Variants in NT5C3B observed in about 807,000 individuals in gnomAD.
The protein encoded by NT5C3B is 7-methylguanosine phosphate-specific 5'-nucleotidase.
NT5C3B carries 28 observed loss-of-function variants against 32.5 expected under a neutral mutation model. The ratio of observed to expected loss-of-function variants is 0.86; its 90% CI spans 0.64 to 1.18. The LOEUF is 1.18. Among genes scored for constraint, NT5C3B ranks in the 50% most tolerant of loss-of-function variants. NT5C3B has a pLI of 0.00. For synonymous variants in NT5C3B, 138 were observed against 118.0 expected (o/e 1.17, Z -1.10); for missense variants, 317 against 322.0 (o/e 0.98, Z 0.12).
rs1383971331 is a variant in NT5C3B at position 41,825,397 on chromosome 17, G to A, written c.*126C>T. On this transcript the variant is annotated 3_prime_UTR_variant, in exon 9 of 9. Transcript: ENST00000435506. Reference sequence around the variant, plus strand: ...GAAGGTGCTCAGGGAAAGGAGGACGGAGGGGCGCGGAAGGACCCAGCCACT... The same window carrying A: ...GAAGGTGCTCAGGGAAAGGAGGACGAAGGGGCGCGGAAGGACCCAGCCACT... 1.5e-6 allele frequency: 1 copy of A among 672,338 alleles called. No homozygotes were observed. The highest frequency in any genetic ancestry group is 2.5e-6 in the Non-Finnish European group (1 of 399,232). The allele number at this position is 672,338 out of a possible 1,614,324, so 41.6% of individuals were successfully genotyped here.
chr17:41,826,071 A>T (rs1287528166), intron 8 of NT5C3B, among the ~76,000 whole-genome samples: 4 of 151,458 alleles, frequency 2.6e-5, no homozygotes, highest in African/African-American at 9.7e-5. Flanking sequence ...AGAAAGGATC[A>T]CTTGAGCCCA....
At chr17:41,830,987 G>A in intron 5 of NT5C3B, 97 bp from the exon 6 acceptor site, 2 of 786,890 alleles carry the variant, frequency 2.5e-6, no homozygotes. Flanking sequence ...TGACAGCATT[G>A]CCGACAGAGG....
intron 4 of NT5C3B, among the ~76,000 whole-genome samples, chr17:41,833,040 G>A: frequency 6.6e-6 from 1 of 152,164 alleles, no homozygotes; most frequent in South Asian, 2.1e-4. Context: ...GAAGTCCAGG[G>A]AGCACCTGGA....
Position 41,825,323 on chromosome 17 carries a change from A to G in NT5C3B, c.*200T>C, listed in dbSNP as rs996731721. The stretch of plus-strand genomic sequence containing the variant: ...CTGTGGTCCAAGGTTCACCAGGAAC[A>G]GTGCCTGTGCCCTGCCACATGGCGG... On this transcript the variant is annotated 3_prime_UTR_variant, in exon 9 of 9. Transcript: ENST00000435506. 2.0e-5 allele frequency: 11 copies of G among 553,450 alleles called. No individual in the cohort carries two copies. The highest frequency in any genetic ancestry group is 3.2e-5 in the Non-Finnish European group (10 of 310,008). 34.3% of individuals were successfully genotyped at this position (553,450 alleles called of 1,614,324 possible).
chr17:41,826,198 C>G (rs1449845897), intron 8 of NT5C3B, among the ~76,000 whole-genome samples: 1 of 132,402 alleles, frequency 7.6e-6, no homozygotes, highest in East Asian at 2.3e-4. Flanking sequence ...TGCCTCTAAT[C>G]CATCTGGACT....
At chr17:41,831,681 C>T (rs532174373) in intron 5 of NT5C3B, among the ~76,000 whole-genome samples, 232 of 152,334 alleles carry the variant, frequency 1.5e-3, no homozygotes, top group Non-Finnish European at 2.1e-3. Flanking sequence ...AGAAGGCCCT[C>T]GCCAAATGCC....
intron 8 of NT5C3B, among the ~76,000 whole-genome samples, chr17:41,827,172 G>A (rs2047980774): frequency 6.6e-6 from 1 of 151,912 alleles, no homozygotes; most frequent in Non-Finnish European, 1.5e-5. Flanking sequence ...CGGGAGTGGT[G>A]GCGGGTGCCT....
In NT5C3B at chr17:41,832,889, C is replaced by T. The variant is rs184065487; in HGVS notation, c.229-412G>A. ...CTGTGTCTCAAATAAAAAGAAGATG[C>T]AACTTCATCTAAGAGAGTGTTACAT... is the stretch of plus-strand genomic sequence containing the variant. On this transcript the variant is annotated intron_variant, in intron 4 of 8. Coordinates refer to ENST00000435506, the MANE Select transcript of NT5C3B (RefSeq NM_052935.5). 4.3e-4 allele frequency among the ~76,000 whole-genome samples: 65 copies of T among 152,240 alleles called. 1 individual carries two copies. Among genetic ancestry groups the T allele is most frequent in the Non-Finnish European group, 7.5e-4 (51 of 68,022 alleles).
chr17:41,826,167 A>C (rs12945238), intron 8 of NT5C3B, among the ~76,000 whole-genome samples: 131,724 of 148,854 alleles, frequency 0.88, 58,541 homozygotes, highest in East Asian at 0.99. Context: ...AAAAAAAAAA[A>C]AAAAAAAAAA....
chr17:41,830,948 C>T (rs2048041560), intron 5 of NT5C3B, 58 bp from the exon 6 acceptor site: 5 of 1,117,546 alleles, frequency 4.5e-6, no homozygotes, highest in African/African-American at 1.6e-5. Flanking sequence ...AATAACTCAC[C>T]CTTTCCCTTT....
At chr17:41,826,512 C>A (rs953790383) in intron 8 of NT5C3B, among the ~76,000 whole-genome samples, 1 of 151,902 alleles carries the variant, frequency 6.6e-6, no homozygotes. Context: ...CATGAGCCAC[C>A]GCACCTGACC....
At chr17:41,835,478 C>T (rs1231236467) in intron 2 of NT5C3B, 6 of 651,730 alleles carry the variant, frequency 9.2e-6, no homozygotes, top group East Asian at 5.4e-5. Flanking sequence ...AACGCAGTCT[C>T]CTAGTGTGGG....
Position 41,836,072 on chromosome 17 carries a change from T to C in NT5C3B, c.12+110A>G. ...GGGCCGGGGTGCGCGAGGGGGCGGC[T>C]ACTGGCCTGGGTGAAGCGGCGGTGC... On this transcript the variant is annotated intron_variant, in intron 1 of 8. Coordinates refer to ENST00000435506, the MANE Select transcript of NT5C3B (RefSeq NM_052935.5). The C allele has an allele frequency of 5.0e-6, 7 of 1,388,620 alleles. No homozygotes were observed. In the South Asian group the frequency reaches 1.0e-4, roughly 21 times the overall value. The allele number at this position is 1,388,620 out of a possible 1,614,324, so 86.0% of individuals were successfully genotyped here.
chr17:41,826,034 AG>A (rs1555618087), intron 8 of NT5C3B, among the ~76,000 whole-genome samples: 2 of 152,052 alleles, frequency 1.3e-5, no homozygotes, highest in African/African-American at 4.8e-5. Context: ...GGGTGCCTGT[AG>A]TCCCAGCTAC....
At chr17:41,835,587 C>T in intron 2 of NT5C3B, 2 of 675,574 alleles carry the variant, frequency 3.0e-6, no homozygotes, top group Non-Finnish European at 5.4e-6. Context: ...CTTCAACTTA[C>T]TGGGGAGCCG....
intron 4 of NT5C3B, 58 bp downstream of exon 4, chr17:41,835,012 G>T: frequency 6.6e-7 from 1 of 1,520,114 alleles, no homozygotes; most frequent in South Asian, 1.1e-5. Context: ...TTCCAATCAG[G>T]AACCATTTGA....
At chr17:41,834,925 T>C (rs2048119354) in intron 4 of NT5C3B, 145 bp downstream of exon 4, 1 of 755,338 alleles carries the variant, frequency 1.3e-6, no homozygotes. Context: ...CTTAATGTAT[T>C]AAAACTAGAC....
chr17:41,834,989 CTGGAATCTT>C, intron 4 of NT5C3B, 72 bp downstream of exon 4: 1 of 1,374,100 alleles, frequency 7.3e-7, no homozygotes, highest in Non-Finnish European at 1.0e-6. Context: ...GGTCTCTATA[CTGGAATCTT>C]TGGTTCCAAT....
chr17:41,836,203 G>C lies in NT5C3B; in HGVS notation c.-10C>G. ...TCACCTCCTCTGCCATCCCGTTCGA[G>C]GCCTGGTCGGCGGCTCGCGGGACAA... On this transcript the variant is annotated 5_prime_UTR_variant, in exon 1 of 9. Transcript: ENST00000435506. The C allele has an allele frequency of 8.0e-7, 1 of 1,245,024 alleles. No homozygotes were observed. The highest frequency in any genetic ancestry group is 1.6e-5 in the African/African-American group (1 of 64,102). The allele number at this position is 1,245,024 out of a possible 1,614,324, so 77.1% of individuals were successfully genotyped here.
Sources: gnomAD v4.1 joint callset for allele counts (sites outside exome capture counted in the v4.1 genomes callset) on GRCh38, gnomAD v4.1.1 for gene constraint, MANE v1.5 for transcripts, NCBI Gene and HGNC (gene_info 2026-07-23, HGNC 2026-07-21) for gene names.